Variants in PBX3 observed in about 807,000 individuals in gnomAD.
PBX3 encodes pre-B-cell leukemia transcription factor 3.
PBX3 carries 14 observed loss-of-function variants against 48.5 expected under a neutral mutation model. That is an observed-to-expected ratio of 0.29 (90% confidence interval 0.19 to 0.45). PBX3 has a LOEUF of 0.45. Ranked by LOEUF, PBX3 falls within the 20% of genes least tolerant of loss-of-function variation. The probability of loss-of-function intolerance (pLI) is 1.00; values close to 1 mark genes in which losing one functional copy is unlikely to be tolerated. For missense variants in PBX3, 386 were observed against 546.7 expected (o/e 0.71, Z 2.93); for synonymous variants, 210 against 200.3 (o/e 1.05, Z -0.41).
intron 2 of PBX3, among the ~76,000 whole-genome samples, chr9:125,831,938 T>G (rs1194053551): frequency 6.6e-6 from 1 of 152,128 alleles, no homozygotes; most frequent in East Asian, 1.9e-4. Flanking sequence ...TTCTTTTTAT[T>G]GAGGAGTGAT....
At chr9:125,757,653 C>A (rs1429104836) in intron 2 of PBX3, among the ~76,000 whole-genome samples, 1 of 152,092 alleles carries the variant, frequency 6.6e-6, no homozygotes, top group Non-Finnish European at 1.5e-5. Flanking sequence ...GCAGTGATTT[C>A]TGTGGCTTCA....
At chr9:125,944,225 T>C (rs2132555318) in intron 5 of PBX3, among the ~76,000 whole-genome samples, 1 of 152,352 alleles carries the variant, frequency 6.6e-6, no homozygotes, top group Non-Finnish European at 1.5e-5. Flanking sequence ...TTCTTCTCTT[T>C]TGATTTCTCT....
intron 4 of PBX3, among the ~76,000 whole-genome samples, chr9:125,933,554 A>G (rs1588311826): frequency 2.0e-5 from 3 of 152,198 alleles, no homozygotes; most frequent in African/African-American, 2.4e-5. Context: ...ATCTATTCCC[A>G]TCTACCCTGG....
At chr9:125,865,874 T>G (rs538348006) in intron 2 of PBX3, among the ~76,000 whole-genome samples, 1 of 152,284 alleles carries the variant, frequency 6.6e-6, no homozygotes, top group African/African-American at 2.4e-5. Context: ...CTGAGAATCA[T>G]GTAATTAAGT....
chr9:125,811,992 C>T (rs754590416), intron 2 of PBX3, among the ~76,000 whole-genome samples: 1 of 152,134 alleles, frequency 6.6e-6, no homozygotes. Flanking sequence ...TATATTAATA[C>T]CCTTGTAAAA....
chr9:125,954,534 G>GT (rs1404690158), intron 5 of PBX3, among the ~76,000 whole-genome samples: 1 of 152,036 alleles, frequency 6.6e-6, no homozygotes, highest in Non-Finnish European at 1.5e-5. Flanking sequence ...GCAAGTTTAT[G>GT]TTTTTTTGTT....
intron 2 of PBX3, among the ~76,000 whole-genome samples, chr9:125,763,201 T>G (rs1417973771): frequency 6.6e-6 from 1 of 152,172 alleles, no homozygotes; most frequent in Non-Finnish European, 1.5e-5. Context: ...GAAATGCCCT[T>G]TGTGGGGGAA....
chr9:125,800,995 C>A (rs1442438070), intron 2 of PBX3, among the ~76,000 whole-genome samples: 4 of 152,066 alleles, frequency 2.6e-5, no homozygotes, highest in Admixed American at 6.5e-5. Context: ...TCAGGTGATC[C>A]TCCCTCCTTG....
chr9:125,776,838 C>G (rs1266106078), intron 2 of PBX3, among the ~76,000 whole-genome samples: 1 of 152,206 alleles, frequency 6.6e-6, no homozygotes, highest in South Asian at 2.1e-4. Context: ...GCCACTGTGC[C>G]TGGTCTGCAT....
rs1054105019 is a variant in PBX3, at chr9:125,801,788, CAT to C, written c.274+53167_274+53168del. 6.7e-4 allele frequency among the ~76,000 whole-genome samples: 91 copies of C among 135,376 alleles called. No individual in the cohort carries two copies. The East Asian group carries it at 0.018, about 27-fold the overall frequency. 88.8% of individuals were successfully genotyped at this position (135,376 alleles called of 152,430 possible). A position where few individuals can be genotyped will look rare whatever the true frequency, so the allele number is the denominator to read the frequency against. ...AAATGTTTATATGAACATGTATACA[CAT>C]ACACACACACACACACACACACACA... On this transcript the variant is annotated intron_variant, in intron 2 of 8. Transcript: ENST00000373489.
In PBX3 at chr9:125,963,033, A is replaced by C. The variant is rs1230357042; in HGVS notation, c.1144A>C (p.Ile382Leu). 1 of 1,607,190 alleles carries C rather than the reference A, an allele frequency of 6.2e-7. No homozygotes were observed. The highest frequency in any genetic ancestry group is 1.3e-5 in the African/African-American group (1 of 74,854). ...CTAGGTGGATACCCTCCGTCATGTTATCAATCAGACGGGAGGCTACAGTGA... is the reference window on the plus strand; with the variant it reads ...CTAGGTGGATACCCTCCGTCATGTTCTCAATCAGACGGGAGGCTACAGTGA... ...QSQVDTLRHV[I>L]NQTGGYSDGL... Residue 382 changes from isoleucine (I) to leucine (L), a missense_variant, in exon 8 of 9, where the codon ATC (isoleucine) becomes CTC (leucine). Ile to Leu is a conservative substitution (Grantham distance 5). Coordinates refer to ENST00000373489, the MANE Select transcript of PBX3 (RefSeq NM_006195.6).
chr9:125,960,369 T>C (rs1842400082), intron 5 of PBX3, among the ~76,000 whole-genome samples: 1 of 152,250 alleles, frequency 6.6e-6, no homozygotes, highest in Admixed American at 6.5e-5. Flanking sequence ...CTTTTCAGCC[T>C]GATTTTGGGG....
intron 2 of PBX3, among the ~76,000 whole-genome samples, chr9:125,837,859 G>C (rs1184854314): frequency 6.6e-6 from 1 of 152,132 alleles, no homozygotes; most frequent in African/African-American, 2.4e-5. Context: ...CAAAGTGTTG[G>C]GATTACAGGC....
chr9:125,835,180 G>C (rs112710981), intron 2 of PBX3, among the ~76,000 whole-genome samples: 5,399 of 151,996 alleles, frequency 0.036, 335 homozygotes, highest in African/African-American at 0.12. Flanking sequence ...TGTTTACTAT[G>C]TGCCAGGCAC....
chr9:125,812,940 G>T lies in PBX3; in HGVS notation c.274+64317G>T, dbSNP rs1838336366. On this transcript the variant is annotated intron_variant, in intron 2 of 8. Transcript: ENST00000373489. ...AGGGCACTTACCATGAATGGAGCTTGTAGGACTGAAAATTGCTCAGTGAGT... is the reference window on the plus strand; with the variant it reads ...AGGGCACTTACCATGAATGGAGCTTTTAGGACTGAAAATTGCTCAGTGAGT... Among the ~76,000 whole-genome samples, 3 of 152,192 alleles carry T rather than the reference G, an allele frequency of 2.0e-5. No homozygotes were observed. In the South Asian group the frequency reaches 6.2e-4, roughly 31 times the overall value.
In PBX3 at chr9:125,840,006, A is replaced by G. The variant is rs547946594; in HGVS notation, c.275-75680A>G. On this transcript the variant is annotated intron_variant, in intron 2 of 8. Coordinates refer to ENST00000373489, the MANE Select transcript of PBX3 (RefSeq NM_006195.6). The stretch of plus-strand genomic sequence containing the variant: ...TCATTTCTGGGCTTTGAGGAGCACT[A>G]TGGACAGTGGGCCATTCAGATGCCT... Among the ~76,000 whole-genome samples, 8 of 152,290 alleles carry G rather than the reference A, an allele frequency of 5.3e-5. No individual in the cohort carries two copies. In the East Asian group the frequency reaches 9.6e-4, roughly 18 times the overall value.
intron 2 of PBX3, among the ~76,000 whole-genome samples, chr9:125,862,513 A>C (rs1839884923): frequency 6.6e-6 from 1 of 151,908 alleles, no homozygotes; most frequent in Non-Finnish European, 1.5e-5. Flanking sequence ...CAGCCTCCTA[A>C]GTAGCTAGGA....
At chr9:125,899,441 G>GTATATATATATA (rs369506959) in intron 2 of PBX3, among the ~76,000 whole-genome samples, 7 of 76,502 alleles carry the variant, frequency 9.2e-5, no homozygotes, top group African/African-American at 4.2e-4. Flanking sequence ...ATATATGTGT[G>GTATATATATATA]TATATATATA....
In PBX3 at chr9:125,867,241, C is replaced by T. The variant is rs139102452; in HGVS notation, c.275-48445C>T. ...CCCTGAAGTATTAAAAAAAAAAAATCAATTATTTGAATAAAAGAATAGAAG... is the reference window on the plus strand; with the variant it reads ...CCCTGAAGTATTAAAAAAAAAAAATTAATTATTTGAATAAAAGAATAGAAG... On this transcript the variant is annotated intron_variant, in intron 2 of 8. Coordinates refer to ENST00000373489, the MANE Select transcript of PBX3 (RefSeq NM_006195.6). Among the ~76,000 whole-genome samples the T allele has an allele frequency of 5.1e-3, 771 of 151,736 alleles. 11 individuals carry two copies. The highest frequency in any genetic ancestry group is 0.018 in the African/African-American group (725 of 41,342).
Sources: allele counts gnomAD v4.1 joint callset (sites outside exome capture counted in the v4.1 genomes callset), GRCh38; gene constraint gnomAD v4.1.1; transcripts MANE v1.5; gene names NCBI Gene and HGNC (gene_info 2026-07-23, HGNC 2026-07-21).